The following ROBO2 variants were observed in gnomAD, a reference collection of about 807,000 sequenced individuals.
ROBO2 encodes roundabout homolog 2.
Under a neutral mutation model 160.8 loss-of-function variants are expected in ROBO2, and 53 were observed. The ratio of observed to expected loss-of-function variants is 0.33; its 90% CI spans 0.26 to 0.41. The LOEUF is 0.41. Ranked by LOEUF, ROBO2 falls within the 10% of genes least tolerant of loss-of-function variation. The pLI is 1.00. For synonymous variants in ROBO2, 664 were observed against 611.7 expected, an observed-to-expected ratio of 1.09 and a Z score of -1.26; for missense variants, 1,577 against 1,722.4, an observed-to-expected ratio of 0.92 and a Z score of 1.49.
intron 2 of ROBO2, among the ~76,000 whole-genome samples, chr3:77,195,008 A>G (rs2082189238): frequency 6.6e-6 from 1 of 152,150 alleles, no homozygotes; most frequent in South Asian, 2.1e-4. Flanking sequence ...TGCATGTTGG[A>G]AATGGCAGTA....
chr3:77,484,508 A>AACACACACAC (rs60959193), intron 4 of ROBO2, among the ~76,000 whole-genome samples: 4,471 of 146,752 alleles, frequency 0.03, 234 homozygotes, highest in African/African-American at 0.11. Flanking sequence ...CCCCAACACA[A>AACACACACAC]ACACACACAC....
At chr3:75,914,873 C>A (rs1227235973) in intron 1 of ROBO2, among the ~76,000 whole-genome samples, 1 of 152,184 alleles carries the variant, frequency 6.6e-6, no homozygotes, top group Non-Finnish European at 1.5e-5. Flanking sequence ...GAGTTTTCAG[C>A]AACCATAAGT....
At chr3:76,811,047 A>G (rs1340358666) in intron 2 of ROBO2, among the ~76,000 whole-genome samples, 1 of 152,182 alleles carries the variant, frequency 6.6e-6, no homozygotes, top group Non-Finnish European at 1.5e-5. Flanking sequence ...GATGAGGTGG[A>G]CAAACTCATA....
At chr3:77,177,286 C>T (rs2080248283) in intron 2 of ROBO2, among the ~76,000 whole-genome samples, 1 of 151,928 alleles carries the variant, frequency 6.6e-6, no homozygotes, top group Non-Finnish European at 1.5e-5. Context: ...GTCAATGGTT[C>T]TGAGAGCCTC....
At chr3:76,215,395 G>T (rs1278116576) in intron 2 of ROBO2, among the ~76,000 whole-genome samples, 7 of 152,198 alleles carry the variant, frequency 4.6e-5, no homozygotes, top group African/African-American at 1.7e-4. Flanking sequence ...CCATGGCAAA[G>T]AAGTTAAAAA....
At chr3:76,350,786 C>T (rs1433851746) in intron 2 of ROBO2, among the ~76,000 whole-genome samples, 1 of 151,760 alleles carries the variant, frequency 6.6e-6, no homozygotes, top group Non-Finnish European at 1.5e-5. Context: ...CAAGTAGAAA[C>T]ACTAAATAGA....
chr3:76,762,934 C>T (rs1488468974), intron 2 of ROBO2, among the ~76,000 whole-genome samples: 1 of 151,642 alleles, frequency 6.6e-6, no homozygotes, highest in African/African-American at 2.4e-5. Context: ...GAGTATTGTT[C>T]ACGATGCCTG....
intron 4 of ROBO2, among the ~76,000 whole-genome samples, chr3:77,485,259 C>A (rs1009573236): frequency 6.6e-5 from 10 of 152,140 alleles, no homozygotes; most frequent in Middle Eastern, 3.4e-3. Context: ...TCTCTCCAGA[C>A]CTTAGAGTTC....
At chr3:77,183,720 A>G (rs905659706) in intron 2 of ROBO2, among the ~76,000 whole-genome samples, 2 of 151,994 alleles carry the variant, frequency 1.3e-5, no homozygotes, top group Non-Finnish European at 1.5e-5. Flanking sequence ...TTGTTTGTGT[A>G]TTTCATCAGT....
intron 2 of ROBO2, among the ~76,000 whole-genome samples, chr3:75,995,988 G>A (rs1246454407): frequency 6.6e-6 from 1 of 152,106 alleles, no homozygotes; most frequent in Admixed American, 6.5e-5. Context: ...TTTGTATCAT[G>A]GGAGCAACTA....
chr3:76,216,344 C>T (rs554544270), intron 2 of ROBO2, among the ~76,000 whole-genome samples: 3 of 152,224 alleles, frequency 2.0e-5, no homozygotes, highest in South Asian at 4.1e-4. Context: ...CTAAATACTC[C>T]AATTAAAAGA....
At chr3:77,177,048 G>A (rs1429686549) in intron 2 of ROBO2, among the ~76,000 whole-genome samples, 1 of 151,828 alleles carries the variant, frequency 6.6e-6, no homozygotes, top group African/African-American at 2.4e-5. Flanking sequence ...AAACACAAAA[G>A]TAGGAAAAAG....
At chr3:76,800,431 A>T (rs1013520467) in intron 2 of ROBO2, among the ~76,000 whole-genome samples, 3 of 152,196 alleles carry the variant, frequency 2.0e-5, no homozygotes, top group African/African-American at 7.2e-5. Flanking sequence ...AAGTGAAGAG[A>T]CAACCCAGAG....
At chr3:76,574,808 C>T (rs1292998828) in intron 2 of ROBO2, among the ~76,000 whole-genome samples, 1 of 152,072 alleles carries the variant, frequency 6.6e-6, no homozygotes, top group African/African-American at 2.4e-5. Context: ...CTAGACTGAG[C>T]CTAAGATGCT....
At chr3:76,706,651 C>T (rs555780970) in intron 2 of ROBO2, among the ~76,000 whole-genome samples, 5 of 151,858 alleles carry the variant, frequency 3.3e-5, no homozygotes, top group Non-Finnish European at 7.4e-5. Context: ...AAATAATAGA[C>T]TATAAAGATA....
chr3:76,702,731 A>T (rs2093073139), intron 2 of ROBO2, among the ~76,000 whole-genome samples: 1 of 152,070 alleles, frequency 6.6e-6, no homozygotes, highest in Admixed American at 6.6e-5. Flanking sequence ...AGTCAATGGA[A>T]GCAATAAAGG....
At chr3:77,439,550 C>T (rs765823000) in intron 2 of ROBO2, among the ~76,000 whole-genome samples, 28 of 152,132 alleles carry the variant, frequency 1.8e-4, no homozygotes, top group African/African-American at 4.1e-4. Context: ...TAAATACTTA[C>T]GTTGTTCAGG....
At chr3:77,604,277 A>G (rs2094485308) in intron 20 of ROBO2, among the ~76,000 whole-genome samples, 1 of 152,170 alleles carries the variant, frequency 6.6e-6, no homozygotes, top group African/African-American at 2.4e-5. Context: ...TTTATTTATA[A>G]TAAGTCTCAC....
intron 2 of ROBO2, among the ~76,000 whole-genome samples, chr3:76,073,879 T>C (rs2068556987): frequency 6.6e-6 from 1 of 152,028 alleles, no homozygotes; most frequent in Non-Finnish European, 1.5e-5. Context: ...ACCTTTCTAG[T>C]AAAGGCACTG....
Sources: allele counts gnomAD v4.1 joint callset (sites outside exome capture counted in the v4.1 genomes callset), GRCh38; gene constraint gnomAD v4.1.1; transcripts MANE v1.5; gene names NCBI Gene and HGNC (gene_info 2026-07-23, HGNC 2026-07-21).